STAT2: variants seen among roughly 807,000 people sequenced by gnomAD.
The protein encoded by STAT2 is signal transducer and activator of transcription 2.
A neutral mutation model predicts 122.3 loss-of-function variants in STAT2; 51 were observed. The ratio of observed to expected loss-of-function variants is 0.42; its 90% CI spans 0.33 to 0.53. The LOEUF is 0.53. STAT2 is among the 20% of genes least tolerant of loss of function. The pLI is 0.10. For missense variants in STAT2, 736 were observed against 1,010.3 expected (o/e 0.73, Z 3.68); for synonymous variants, 351 against 394.9 (o/e 0.89, Z 1.32).
intron 8 of STAT2, chr12:56,352,371 T>TTGGGG (rs1565655623): frequency 2.5e-4 from 7 of 28,498 alleles, no homozygotes; most frequent in Non-Finnish European, 4.1e-4. Context: ...TTTTTTTTTT[T>TTGGGG]GGTGGGGGTG....
At chr12:56,344,344 T>C (rs1423433116) in intron 22 of STAT2, among the ~76,000 whole-genome samples, 1 of 152,156 alleles carries the variant, frequency 6.6e-6, no homozygotes, top group Non-Finnish European at 1.5e-5. Context: ...TTATCATCTA[T>C]AAATGAGAAC....
chr12:56,346,395 TG>T, intron 21 of STAT2, 46 bp downstream of exon 21: 1 of 1,607,850 alleles, frequency 6.2e-7, no homozygotes, highest in Non-Finnish European at 8.5e-7. Flanking sequence ...TATGGATGTC[TG>T]GTAGATCTCT....
intron 19 of STAT2, among the ~76,000 whole-genome samples, chr12:56,347,525 CAG>C (rs754422587): frequency 4.0e-5 from 6 of 151,856 alleles, no homozygotes; most frequent in Admixed American, 2.6e-4. Context: ...TGTTTTGAGA[CAG>C]AGTCTTGCTC....
Position 56,343,275 on chromosome 12 carries a change from A to G in STAT2, c.*114T>C, listed in dbSNP as rs532082330. On this transcript the variant is annotated 3_prime_UTR_variant, in exon 24 of 24. Coordinates refer to ENST00000314128, the MANE Select transcript of STAT2 (RefSeq NM_005419.4). Reference sequence around the variant, plus strand: ...GAGTCACACAGGCCTGAGTTTGAACAGTTAACACAGCTTGGAAGGGACACA... The same window carrying G: ...GAGTCACACAGGCCTGAGTTTGAACGGTTAACACAGCTTGGAAGGGACACA... 1.9e-5 allele frequency: 28 copies of G among 1,458,400 alleles called. No individual in the cohort carries two copies. The African/African-American group carries it at 3.7e-4, about 19-fold the overall frequency. The allele number at this position is 1,458,400 out of a possible 1,614,324, so 90.3% of individuals were successfully genotyped here. A position where few individuals can be genotyped will look rare whatever the true frequency, so the allele number is the denominator to read the frequency against.
Position 56,343,300 on chromosome 12 carries a change from A to G in STAT2, c.*89T>C. 6.5e-7 allele frequency: 1 copy of G among 1,540,280 alleles called. No individual in the cohort carries two copies. ...AGTTAACACAGCTTGGAAGGGACAC[A>G]TGCCTGATTCCCATCCTTGGAGAAC... On this transcript the variant is annotated 3_prime_UTR_variant, in exon 24 of 24. Coordinates refer to ENST00000314128, the MANE Select transcript of STAT2 (RefSeq NM_005419.4).
intron 23 of STAT2, 114 bp from the exon 24 acceptor site, chr12:56,343,645 T>C (rs1876905108): frequency 1.3e-6 from 2 of 1,525,744 alleles, no homozygotes; most frequent in African/African-American, 1.4e-5. Flanking sequence ...GAGTGGGAAC[T>C]TGTGGGATGA....
At chr12:56,354,016 A>AAAAATATAT (rs71081350) in intron 8 of STAT2, among the ~76,000 whole-genome samples, 1 of 16,696 alleles carries the variant, frequency 6.0e-5, no homozygotes, top group Non-Finnish European at 1.6e-4. Context: ...AAAAAAAAAA[A>AAAAATATAT]ATATATATAT....
Position 56,344,086 on chromosome 12 carries a change from G to C in STAT2, c.2152C>G (p.Leu718Val), listed in dbSNP as rs750452354. The change falls in exon 23 of 24, where the codon CTG becomes GTG. Residue 718 changes from leucine to valine, a missense_variant. Transcript: ENST00000314128. The stretch of plus-strand genomic sequence containing the variant: ...CCTAGTTCCAGCTCTAATGACTCCA[G>C]CTCTGGCTCTGGCTTAAGCTCCAGC... Reference protein sequence around the residue: ...QPLELKPEPELESLELELGLV... With the variant: ...QPLELKPEPEVESLELELGLV... 6.3e-7 allele frequency: 1 copy of C among 1,583,432 alleles called. No homozygotes were observed. The highest frequency in any genetic ancestry group is 1.8e-5 in the Admixed American group (1 of 54,098).
rs572004520 is a variant in STAT2, at chr12:56,350,995, G to A, written c.1034+103C>T. 1.1e-4 allele frequency: 167 copies of A among 1,568,294 alleles called. 2 individuals are homozygous for A. The South Asian group carries it at 1.8e-3, about 17-fold the overall frequency. On this transcript the variant is annotated intron_variant, in intron 10 of 23. Transcript: ENST00000314128. Reference sequence around the variant, plus strand: ...ATTATAAGAGGTAGGGAGATTGCAGGGAAAGAGAAGAAAAAGCCAAGAGTG... The same window carrying A: ...ATTATAAGAGGTAGGGAGATTGCAGAGAAAGAGAAGAAAAAGCCAAGAGTG...
At chr12:56,353,907 A>T (rs1269198994) in intron 8 of STAT2, among the ~76,000 whole-genome samples, 12 of 145,952 alleles carry the variant, frequency 8.2e-5, no homozygotes, top group Non-Finnish European at 1.8e-4. Flanking sequence ...GAGACAGGAG[A>T]ATTGCTTGAA....
chr12:56,354,632 T>G lies in STAT2; in HGVS notation c.634-18A>C. 1 of 1,614,072 alleles carries G rather than the reference T, an allele frequency of 6.2e-7. No individual in the cohort carries two copies. The highest frequency in any genetic ancestry group is 8.5e-7 in the Non-Finnish European group (1 of 1,179,956). ...AGCACCTCCTGGGAAAGAGATAATG[T>G]GAGTGTTGAGCATCTCTCCCTTTCA... On this transcript the variant is annotated intron_variant, in intron 7 of 23. Transcript: ENST00000314128.
intron 4 of STAT2, 88 bp from the exon 5 acceptor site, chr12:56,355,620 G>GA: frequency 6.3e-7 from 1 of 1,585,732 alleles, no homozygotes; most frequent in Non-Finnish European, 8.7e-7. Context: ...ATGTCGGGGG[G>GA]ATCCTGTTCT....
At position 56,354,546 on chromosome 12, in the gene STAT2, C is replaced by T; in HGVS notation, c.702G>A (p.Lys234=). 1 of 1,614,210 alleles carries T rather than the reference C, an allele frequency of 6.2e-7. No individual in the cohort carries two copies. The highest frequency in any genetic ancestry group is 2.2e-5 in the East Asian group (1 of 44,884). ...GCTGCTGGGCCTTCCACTCCTCCAA[C>T]TTTGGCAGCAGTAGCTCGATTAGGG... ...LTTLIELLLP[K]LEEWKAQQQK... is the part of the protein sequence containing the mutation. Residue 234 remains lysine (K), a synonymous_variant, in exon 8 of 24, where the codon AAG becomes AAA. Transcript: ENST00000314128.
chr12:56,354,601 G>T lies in STAT2; in HGVS notation c.647C>A (p.Ala216Asp). ...TAATCGGCCTAGCAGTGCTTTGGAG[G>T]CATCCAGCACCTCCTGGGAAAGAGA... is the stretch of plus-strand genomic sequence containing the variant. ...LDKRRKEVLD[A>D]SKALLGRLTT... The change falls in exon 8 of 24, where the codon GCC becomes GAC. Residue 216 changes from alanine to aspartate, a missense_variant. By Grantham distance (126) the Ala-to-Asp change is moderately radical (BLOSUM62 -2). Transcript: ENST00000314128. 1 of 1,614,140 alleles carries T rather than the reference G, an allele frequency of 6.2e-7. No homozygotes were observed. Among genetic ancestry groups the T allele is most frequent in the Non-Finnish European group, 8.5e-7 (1 of 1,180,014 alleles).
At chr12:56,347,656 C>T (rs1877707356) in intron 19 of STAT2, among the ~76,000 whole-genome samples, 1 of 152,136 alleles carries the variant, frequency 6.6e-6, no homozygotes, top group African/African-American at 2.4e-5. Flanking sequence ...CGCCCACCAC[C>T]ACACCCGGCT....
chr12:56,346,295 T>C, intron 21 of STAT2, 92 bp from the exon 22 acceptor site: 1 of 1,569,498 alleles, frequency 6.4e-7, no homozygotes, highest in Non-Finnish European at 8.8e-7. Context: ...GGCAGTCTCA[T>C]CCCCATAGTA....
intron 8 of STAT2, among the ~76,000 whole-genome samples, chr12:56,353,668 T>C (rs1259497732): frequency 6.6e-6 from 1 of 151,938 alleles, no homozygotes; most frequent in Non-Finnish European, 1.5e-5. Flanking sequence ...AGGGGACTGT[T>C]GTGTGGACAT....
Position 56,348,940 on chromosome 12 carries a change from C to G in STAT2, c.1560G>C (p.Leu520=). ...AATCTGTACCGAACAGCTTGTTTCT[C>G]AGCATGCTCAGCTGGTCTGAGTTGA... The part of the protein sequence containing the change: ...RGLNSDQLSM[L]RNKLFGQNCR... Residue 520 remains leucine (L), a synonymous_variant, in exon 17 of 24, where the codon CTG becomes CTC. Transcript: ENST00000314128. 1 of 1,613,382 alleles carries G rather than the reference C, an allele frequency of 6.2e-7. No homozygotes were observed. The highest frequency in any genetic ancestry group is 1.1e-5 in the South Asian group (1 of 90,990).
At chr12:56,343,789 G>A (rs1400944051) in intron 23 of STAT2, 36 bp downstream of exon 23, 2 of 1,605,920 alleles carry the variant, frequency 1.2e-6, no homozygotes, top group Admixed American at 3.3e-5. Flanking sequence ...GAAAGGGAAT[G>A]TGTGCCATCT....
Sources: gnomAD v4.1 joint callset for allele counts (sites outside exome capture counted in the v4.1 genomes callset) on GRCh38, gnomAD v4.1.1 for gene constraint, MANE v1.5 for transcripts, NCBI Gene and HGNC (gene_info 2026-07-23, HGNC 2026-07-21) for gene names.